FGF12: variants seen among roughly 807,000 people sequenced by gnomAD.
FGF12 encodes fibroblast growth factor 12, also known as fibroblast growth factor 12B.
In FGF12, 14 loss-of-function variants were observed where a neutral mutation model predicts 23.6. The observed-to-expected ratio is 0.59, with a 90% CI of 0.39 to 0.93. The LOEUF (loss-of-function observed/expected upper bound fraction) is 0.93, where lower values mean the gene tolerates loss of function less well. Ranked by LOEUF, FGF12 falls within the 40% of genes least tolerant of loss-of-function variation. The probability of loss-of-function intolerance (pLI) is 0.00; values close to 1 mark genes in which losing one functional copy is unlikely to be tolerated. For missense variants in FGF12, 175 were observed against 217.8 expected (o/e 0.80, Z 1.24); for synonymous variants, 62 against 77.3 (o/e 0.80, Z 1.04).
At chr3:192,700,977 T>C (rs1384463056) in intron 2 of FGF12, among the ~76,000 whole-genome samples, 1 of 151,970 alleles carries the variant, frequency 6.6e-6, no homozygotes, top group African/African-American at 2.4e-5. Context: ...AAATCTACAT[T>C]ATGTAGAGAA....
At chr3:192,293,911 A>G (rs1316170264) in intron 4 of FGF12, among the ~76,000 whole-genome samples, 1 of 152,162 alleles carries the variant, frequency 6.6e-6, no homozygotes, top group East Asian at 1.9e-4. Flanking sequence ...TCTGGTCGAT[A>G]GATGAGGCTG....
chr3:192,538,945 T>C (rs1390528346), intron 2 of FGF12, among the ~76,000 whole-genome samples: 1 of 152,214 alleles, frequency 6.6e-6, no homozygotes, highest in Non-Finnish European at 1.5e-5. Context: ...TCAGGTTATT[T>C]GCTGTTGGCA....
At chr3:192,297,309 C>T (rs1215660292) in intron 4 of FGF12, among the ~76,000 whole-genome samples, 4 of 152,084 alleles carry the variant, frequency 2.6e-5, no homozygotes, top group Non-Finnish European at 5.9e-5. Flanking sequence ...GGTTCAGTCG[C>T]AATACTTTGT....
intron 2 of FGF12, among the ~76,000 whole-genome samples, chr3:192,524,059 GA>G (rs59548365): frequency 0.1 from 14,917 of 148,546 alleles, 2,326 homozygotes; most frequent in African/African-American, 0.34. Context: ...TCCTTTAACA[GA>G]AAAAAAAAAT....
intron 2 of FGF12, among the ~76,000 whole-genome samples, chr3:192,718,896 G>A (rs1033815261): frequency 1.3e-5 from 2 of 151,856 alleles, no homozygotes; most frequent in African/African-American, 4.8e-5. Context: ...TAGAAGTTAA[G>A]CCTAAAGAGG....
chr3:192,490,536 T>C (rs1485969025), intron 2 of FGF12, among the ~76,000 whole-genome samples: 2 of 152,030 alleles, frequency 1.3e-5, no homozygotes, highest in African/African-American at 4.8e-5. Flanking sequence ...AATATACACA[T>C]TTATATACAT....
rs74631610 is a variant in FGF12, at chr3:192,511,633, C to G, written c.14-151095G>C. 7.5e-3 allele frequency among the ~76,000 whole-genome samples: 1,146 copies of G among 152,218 alleles called. 15 individuals are homozygous for G. The highest frequency in any genetic ancestry group is 0.025 in the African/African-American group (1,058 of 41,518). ...TCAGATTAATACAAGTGCCATTTAA[C>G]CTTAGCAATATTGTTTAGCATCTTA... On this transcript the variant is annotated intron_variant, in intron 2 of 5. Transcript: ENST00000445105.
chr3:192,395,951 T>C (rs977929657), intron 2 of FGF12, among the ~76,000 whole-genome samples: 2 of 152,198 alleles, frequency 1.3e-5, no homozygotes, highest in Admixed American at 1.3e-4. Context: ...GTAAATGTTC[T>C]ATGAATGTCA....
intron 2 of FGF12, among the ~76,000 whole-genome samples, chr3:192,453,124 T>C (rs899718221): frequency 5.9e-5 from 9 of 152,192 alleles, no homozygotes; most frequent in Admixed American, 2.0e-4. Context: ...TCTACCTTCC[T>C]TCTCTGCATT....
intron 4 of FGF12, among the ~76,000 whole-genome samples, chr3:192,317,479 C>T (rs1716290097): frequency 6.6e-6 from 1 of 151,880 alleles, no homozygotes; most frequent in African/African-American, 2.4e-5. Flanking sequence ...GTAGTGGCCA[C>T]AGGAAGAGAC....
chr3:192,722,042 C>G (rs1427340317), intron 2 of FGF12, among the ~76,000 whole-genome samples: 2 of 152,142 alleles, frequency 1.3e-5, no homozygotes, highest in Admixed American at 1.3e-4. Context: ...GAGGGCAAGT[C>G]AATAAACTAT....
chr3:192,375,122 T>C (rs2108747096), intron 2 of FGF12, among the ~76,000 whole-genome samples: 1 of 152,344 alleles, frequency 6.6e-6, no homozygotes, highest in Admixed American at 6.5e-5. Flanking sequence ...TCAAGCAATT[T>C]GATTATCTCA....
intron 4 of FGF12, among the ~76,000 whole-genome samples, chr3:192,263,975 T>G (rs1481541752): frequency 6.6e-6 from 1 of 152,098 alleles, no homozygotes. Flanking sequence ...ACTTTAAAGT[T>G]CTGCAAAATT....
intron 4 of FGF12, among the ~76,000 whole-genome samples, chr3:192,289,864 T>A (rs1220347098): frequency 6.6e-6 from 1 of 152,188 alleles, no homozygotes; most frequent in Admixed American, 6.6e-5. Flanking sequence ...CCAGTTATAA[T>A]AATTTATTTT....
In FGF12 at chr3:192,683,309, A is replaced by T. The variant is rs114574605; in HGVS notation, c.13+43872T>A. Among the ~76,000 whole-genome samples the T allele has an allele frequency of 6.9e-3, 1,055 of 152,312 alleles. 11 individuals are homozygous for T. Among genetic ancestry groups the T allele is most frequent in the African/African-American group, 0.024 (997 of 41,564 alleles). On this transcript the variant is annotated intron_variant, in intron 2 of 5. Transcript: ENST00000445105. ...GTTAGTGTCAGATTTGACTTGCAGC[A>T]TTACGTACAATATACCTACTAGACA...
intron 4 of FGF12, among the ~76,000 whole-genome samples, chr3:192,335,151 G>A (rs946587318): frequency 4.6e-5 from 7 of 152,136 alleles, no homozygotes; most frequent in South Asian, 2.1e-4. Flanking sequence ...AATTTATATC[G>A]CATGGAGAGT....
chr3:192,147,082 A>G (rs1477270252), intron 5 of FGF12, among the ~76,000 whole-genome samples: 1 of 152,212 alleles, frequency 6.6e-6, no homozygotes, highest in Non-Finnish European at 1.5e-5. Flanking sequence ...AGGTATTTGA[A>G]TTTCTATACT....
intron 2 of FGF12, among the ~76,000 whole-genome samples, chr3:192,508,678 T>A (rs1724384482): frequency 6.6e-6 from 1 of 152,228 alleles, no homozygotes; most frequent in South Asian, 2.1e-4. Context: ...AATTGCCTTT[T>A]GTTAAAAATT....
chr3:192,585,505 G>A (rs528257045), intron 2 of FGF12, among the ~76,000 whole-genome samples: 1 of 152,182 alleles, frequency 6.6e-6, no homozygotes, highest in East Asian at 1.9e-4. Context: ...AGAGATTCTA[G>A]GCTCAGTGAT....
Sources: gnomAD v4.1 joint callset for allele counts (sites outside exome capture counted in the v4.1 genomes callset) on GRCh38, gnomAD v4.1.1 for gene constraint, MANE v1.5 for transcripts, NCBI Gene and HGNC (gene_info 2026-07-23, HGNC 2026-07-21) for gene names.